LYRM7: variants seen among roughly 807,000 people sequenced by gnomAD.
The protein encoded by LYRM7 is LYR motif containing 7.
LYRM7 carries 9 observed loss-of-function variants against 15.8 expected under a neutral mutation model. The observed-to-expected ratio is 0.57, with a 90% CI of 0.34 to 0.99. The LOEUF is 0.99. LYRM7 is among the 50% of genes least tolerant of loss of function. LYRM7 has a pLI of 0.02. For missense variants in LYRM7, 115 were observed against 119.1 expected, an observed-to-expected ratio of 0.97 and a Z score of 0.16; for synonymous variants, 39 against 39.4, an observed-to-expected ratio of 0.99 and a Z score of 0.04.
At chr5:131,192,082 A>C (rs1006678941) in intron 4 of LYRM7, among the ~76,000 whole-genome samples, 13 of 141,406 alleles carry the variant, frequency 9.2e-5, no homozygotes, top group Non-Finnish European at 1.7e-4. Context: ...CACACACACA[A>C]TGCAATATTA....
At chr5:131,188,409 T>TAAA (rs760021801) in intron 4 of LYRM7, among the ~76,000 whole-genome samples, 42 of 129,452 alleles carry the variant, frequency 3.2e-4, no homozygotes, top group African/African-American at 1.0e-3. Flanking sequence ...AAGCCACATG[T>TAAA]AAAAAAAAAA....
chr5:131,186,062 T>G (rs1244455739), intron 3 of LYRM7, among the ~76,000 whole-genome samples: 1 of 152,248 alleles, frequency 6.6e-6, no homozygotes, highest in East Asian at 1.9e-4. Context: ...AAAGCTCTAC[T>G]GCTGACAACT....
intron 3 of LYRM7, among the ~76,000 whole-genome samples, chr5:131,186,005 A>G (rs1755789884): frequency 6.6e-6 from 1 of 152,214 alleles, no homozygotes; most frequent in Admixed American, 6.5e-5. Context: ...AAATAATCTT[A>G]ATTTGTCAGT....
chr5:131,178,961 CAAAAAAAAA>C (rs58612746), intron 1 of LYRM7, among the ~76,000 whole-genome samples: 1 of 62,944 alleles, frequency 1.6e-5, no homozygotes, highest in Non-Finnish European at 3.2e-5. Flanking sequence ...GACTCCGTCT[CAAAAAAAAA>C]AAAAAAAAAA....
chr5:131,193,308 A>C (rs1014101351), intron 4 of LYRM7, among the ~76,000 whole-genome samples: 3 of 152,202 alleles, frequency 2.0e-5, no homozygotes, highest in Non-Finnish European at 2.9e-5. Context: ...TCTGGTTCCT[A>C]TCCAGTGGAA....
intron 4 of LYRM7, among the ~76,000 whole-genome samples, chr5:131,188,475 A>C (rs1755833095): frequency 6.6e-6 from 1 of 150,602 alleles, no homozygotes; most frequent in South Asian, 2.1e-4. Context: ...TTGTGATTTT[A>C]ATTTATATTT....
intron 2 of LYRM7, among the ~76,000 whole-genome samples, chr5:131,180,395 G>A (rs902563381): frequency 2.6e-5 from 4 of 151,976 alleles, no homozygotes; most frequent in African/African-American, 9.7e-5. Flanking sequence ...AAAAAAAGGC[G>A]AGGGACCAGA....
At chr5:131,175,785 G>C (rs927275765) in intron 1 of LYRM7, among the ~76,000 whole-genome samples, 1 of 151,246 alleles carries the variant, frequency 6.6e-6, no homozygotes, top group Non-Finnish European at 1.5e-5. Flanking sequence ...GTTTGAGATG[G>C]AATCTCGATG....
At chr5:131,195,716 G>T (rs1271444740) in intron 4 of LYRM7, among the ~76,000 whole-genome samples, 1 of 152,154 alleles carries the variant, frequency 6.6e-6, no homozygotes, top group Admixed American at 6.5e-5. Context: ...CTTGTGCATG[G>T]AAATGACTGG....
chr5:131,185,502 G>A (rs1331087759), intron 3 of LYRM7, among the ~76,000 whole-genome samples: 1 of 152,202 alleles, frequency 6.6e-6, no homozygotes, highest in African/African-American at 2.4e-5. Context: ...ACCCATGCAT[G>A]ATTTTGTAAC....
At chr5:131,196,199 G>A (rs1032114936) in intron 4 of LYRM7, among the ~76,000 whole-genome samples, 3 of 150,776 alleles carry the variant, frequency 2.0e-5, no homozygotes, top group African/African-American at 4.9e-5. Context: ...AGCCTCCCGG[G>A]TTCAAGCGAT....
intron 2 of LYRM7, among the ~76,000 whole-genome samples, chr5:131,181,923 CATTAA>C (rs888505149): frequency 2.6e-5 from 4 of 151,908 alleles, no homozygotes; most frequent in Non-Finnish European, 5.9e-5. Flanking sequence ...AAAAATAAAA[CATTAA>C]ATTAGATTTA....
intron 4 of LYRM7, among the ~76,000 whole-genome samples, chr5:131,194,751 C>T (rs1317382639): frequency 6.6e-6 from 1 of 152,062 alleles, no homozygotes; most frequent in Non-Finnish European, 1.5e-5. Context: ...TGGCACCCCA[C>T]GAGAGAGCAG....
chr5:131,178,850 T>A (rs1755639337), intron 1 of LYRM7, among the ~76,000 whole-genome samples: 1 of 150,828 alleles, frequency 6.6e-6, no homozygotes, highest in Admixed American at 6.7e-5. Context: ...TAATCTCAGC[T>A]ACTTGGGAGG....
At position 131,171,211 on chromosome 5, in the gene LYRM7, TGC is replaced by T. The variant is rs1755517269; in HGVS notation, c.18+174_18+175del. 5.5e-5 allele frequency among the ~76,000 whole-genome samples: 6 copies of T among 109,730 alleles called. No homozygotes were observed. In the South Asian group the frequency reaches 6.9e-4, roughly 13 times the overall value. 72.0% of individuals were successfully genotyped at this position (109,730 alleles called of 152,430 possible). A position where few individuals can be genotyped will look rare whatever the true frequency, so the allele number is the denominator to read the frequency against. On this transcript the variant is annotated intron_variant, in intron 1 of 4. Coordinates refer to ENST00000379380, the MANE Select transcript of LYRM7 (RefSeq NM_181705.4). ...ACTCCTAGGGGCAGTTGAGGGTTTG[TGC>T]ACGTGCGGAGGAGAGCGGGAGGCAC...
At chr5:131,189,577 T>C (rs940051706) in intron 4 of LYRM7, among the ~76,000 whole-genome samples, 3 of 151,610 alleles carry the variant, frequency 2.0e-5, no homozygotes, top group African/African-American at 7.3e-5. Context: ...CATGTGACTA[T>C]CCAGTTGATC....
chr5:131,191,981 C>G (rs185902933), intron 4 of LYRM7, among the ~76,000 whole-genome samples: 2 of 149,616 alleles, frequency 1.3e-5, no homozygotes, highest in East Asian at 2.0e-4. Context: ...AACCAAGATA[C>G]GGAATCAACC....
intron 3 of LYRM7, among the ~76,000 whole-genome samples, chr5:131,185,580 G>A (rs962437258): frequency 6.6e-6 from 1 of 152,136 alleles, no homozygotes; most frequent in Non-Finnish European, 1.5e-5. Context: ...TATTGACATA[G>A]TTCATTACAT....
At chr5:131,188,200 T>C (rs1755828014) in intron 4 of LYRM7, among the ~76,000 whole-genome samples, 1 of 152,072 alleles carries the variant, frequency 6.6e-6, no homozygotes, top group South Asian at 2.1e-4. Context: ...GAGGCCTTAA[T>C]GAGCCGCGAG....
Sources: allele counts gnomAD v4.1 joint callset (sites outside exome capture counted in the v4.1 genomes callset), GRCh38; gene constraint gnomAD v4.1.1; transcripts MANE v1.5; gene names NCBI Gene and HGNC (gene_info 2026-07-23, HGNC 2026-07-21).